CNTNAP2: variants seen among roughly 807,000 people sequenced by gnomAD.
CNTNAP2 encodes the protein contactin-associated protein-like 2.
In CNTNAP2, 98 loss-of-function variants were observed where a neutral mutation model predicts 155.2. That is an observed-to-expected ratio of 0.63 (90% CI 0.54 to 0.75). The LOEUF (loss-of-function observed/expected upper bound fraction) is 0.75, where lower values mean the gene tolerates loss of function less well. Among genes scored for constraint, CNTNAP2 ranks in the 30% least tolerant of loss-of-function variants. CNTNAP2 has a pLI of 0.00. For missense variants in CNTNAP2, 1,727 were observed against 1,688.1 expected, an observed-to-expected ratio of 1.02 and a Z score of -0.40; for synonymous variants, 651 against 631.2, an observed-to-expected ratio of 1.03 and a Z score of -0.47.
rs1041170136 is a variant in CNTNAP2 at position 146,163,444 on chromosome 7, C to T, written c.97+46471C>T. Among the ~76,000 whole-genome samples, 4 of 148,604 alleles carry T rather than the reference C, an allele frequency of 2.7e-5. No homozygotes were observed. The South Asian group carries it at 8.4e-4, about 31-fold the overall frequency. On this transcript the variant is annotated intron_variant, in intron 1 of 23. Transcript: ENST00000361727. ...CAAAAATAAAAATACAAAACCCCATCTCTACTAGAAATATCACATTATATA... is the reference window on the plus strand; with the variant it reads ...CAAAAATAAAAATACAAAACCCCATTTCTACTAGAAATATCACATTATATA...
chr7:148,243,790 CA>C (rs112557110), intron 20 of CNTNAP2, among the ~76,000 whole-genome samples: 92,260 of 143,592 alleles, frequency 0.64, 28,472 homozygotes, highest in South Asian at 0.68. Flanking sequence ...CAACTAAAGA[CA>C]AAAAAAAAAG....
chr7:146,821,363 G>A (rs1171214624), intron 2 of CNTNAP2, among the ~76,000 whole-genome samples: 1 of 152,028 alleles, frequency 6.6e-6, no homozygotes, highest in East Asian at 1.9e-4. Context: ...AGGCCTGGTG[G>A]TGACAAAATC....
rs116797342 is a variant in CNTNAP2, at chr7:146,572,223, G to A, written c.98-202048G>A. On this transcript the variant is annotated intron_variant, in intron 1 of 23. Coordinates refer to ENST00000361727, the MANE Select transcript of CNTNAP2 (RefSeq NM_014141.6). ...CCTCTTAACCTAGAGCTGCCAAAAC[G>A]TATTTGAGCAGAAAATCTGTTTTCT... Among the ~76,000 whole-genome samples the A allele has an allele frequency of 8.5e-3, 1,274 of 149,158 alleles. 12 individuals are homozygous for A. The highest frequency in any genetic ancestry group is 0.03 in the African/African-American group (1,211 of 40,718).
intron 2 of CNTNAP2, among the ~76,000 whole-genome samples, chr7:146,801,087 C>T (rs1382235979): frequency 6.6e-6 from 1 of 152,194 alleles, no homozygotes; most frequent in African/African-American, 2.4e-5. Context: ...ATGGCACCAG[C>T]ATCTTCTCAG....
chr7:147,945,055 A>C (rs1800794220), intron 14 of CNTNAP2, among the ~76,000 whole-genome samples: 1 of 152,212 alleles, frequency 6.6e-6, no homozygotes, highest in Non-Finnish European at 1.5e-5. Flanking sequence ...TTTTTTCTGC[A>C]TTGCATAGCT....
chr7:148,244,370 T>C (rs537090888), intron 20 of CNTNAP2, among the ~76,000 whole-genome samples: 138 of 152,364 alleles, frequency 9.1e-4, no homozygotes, highest in Non-Finnish European at 1.2e-3. Context: ...GATTGTGTTA[T>C]GTAGCTGAGA....
At chr7:146,748,044 C>T (rs1034694207) in intron 1 of CNTNAP2, among the ~76,000 whole-genome samples, 2 of 151,036 alleles carry the variant, frequency 1.3e-5, no homozygotes, top group Non-Finnish European at 2.9e-5. Context: ...CTTTTTGAAT[C>T]AGGAAATGAT....
At chr7:147,382,176 C>G (rs914497148) in intron 9 of CNTNAP2, among the ~76,000 whole-genome samples, 38 of 152,062 alleles carry the variant, frequency 2.5e-4, no homozygotes, top group African/African-American at 8.9e-4. Flanking sequence ...AAAAAAAGAT[C>G]CTGGGCATTT....
intron 2 of CNTNAP2, among the ~76,000 whole-genome samples, chr7:146,806,766 A>C (rs1469528917): frequency 6.6e-6 from 1 of 152,158 alleles, no homozygotes; most frequent in Non-Finnish European, 1.5e-5. Context: ...CAATCAGAAC[A>C]GAGTAGGAGA....
intron 3 of CNTNAP2, among the ~76,000 whole-genome samples, chr7:146,932,760 C>T (rs374126711): frequency 3.9e-5 from 6 of 152,010 alleles, no homozygotes; most frequent in South Asian, 2.1e-4. Flanking sequence ...AAAATCAATG[C>T]ACAAAAATCA....
At chr7:146,350,870 T>C (rs1794903386) in intron 1 of CNTNAP2, among the ~76,000 whole-genome samples, 1 of 151,926 alleles carries the variant, frequency 6.6e-6, no homozygotes, top group Non-Finnish European at 1.5e-5. Flanking sequence ...AGAGTTCATG[T>C]CCTTTGTAGG....
intron 16 of CNTNAP2, 113 bp downstream of exon 16, chr7:148,118,401 C>G: frequency 1.7e-6 from 2 of 1,197,924 alleles, no homozygotes; most frequent in South Asian, 2.6e-5. Context: ...TTCCTTTGTT[C>G]CAGGAGCAGG....
intron 21 of CNTNAP2, among the ~76,000 whole-genome samples, chr7:148,341,473 CTATT>C (rs1391050680): frequency 6.6e-6 from 1 of 152,082 alleles, no homozygotes; most frequent in Non-Finnish European, 1.5e-5. Flanking sequence ...TAATAATTAA[CTATT>C]AAGTATTGAT....
chr7:146,218,866 C>T (rs999198541), intron 1 of CNTNAP2, among the ~76,000 whole-genome samples: 2 of 152,140 alleles, frequency 1.3e-5, no homozygotes, highest in African/African-American at 4.8e-5. Context: ...CCTGATGGAA[C>T]TGGATCTCTC....
chr7:147,658,264 A>T lies in CNTNAP2; in HGVS notation c.2098+18958A>T, dbSNP rs1335602613. Among the ~76,000 whole-genome samples, 2 of 118,050 alleles carry T rather than the reference A, an allele frequency of 1.7e-5. 1 individual carries two copies. Among genetic ancestry groups the T allele is most frequent in the Non-Finnish European group, 3.9e-5 (2 of 51,030 alleles). 77.4% of individuals were successfully genotyped at this position (118,050 alleles called of 152,430 possible). A position where few individuals can be genotyped will look rare whatever the true frequency, so the allele number is the denominator to read the frequency against. The stretch of plus-strand genomic sequence containing the variant: ...AGAGCGAGACTCCGTCCCAAAAAAA[A>T]AAAAAAAAAAAGATAGCCGACCTTA... On this transcript the variant is annotated intron_variant, in intron 13 of 23. Coordinates refer to ENST00000361727, the MANE Select transcript of CNTNAP2 (RefSeq NM_014141.6).
In CNTNAP2 at chr7:148,195,890, G is replaced by GA. The variant is rs532007356; in HGVS notation, c.3011-21390dup. ...TGAACCACAATAAAGACCGTGGAAA[G>GA]AAAAAAAATGGGTCTGCTCAGACAT... is the stretch of plus-strand genomic sequence containing the variant. On this transcript the variant is annotated intron_variant, in intron 18 of 23. Coordinates refer to ENST00000361727, the MANE Select transcript of CNTNAP2 (RefSeq NM_014141.6). 1.9e-3 allele frequency among the ~76,000 whole-genome samples: 293 copies of GA among 151,718 alleles called. 2 individuals carry two copies. The highest frequency in any genetic ancestry group is 6.6e-3 in the African/African-American group (274 of 41,362).
intron 3 of CNTNAP2, among the ~76,000 whole-genome samples, chr7:146,855,216 T>A (rs1449426085): frequency 1.3e-5 from 2 of 152,118 alleles, no homozygotes; most frequent in Non-Finnish European, 2.9e-5. Flanking sequence ...GAAACAGCAT[T>A]CTCATATACT....
intron 1 of CNTNAP2, among the ~76,000 whole-genome samples, chr7:146,373,764 G>C (rs895430524): frequency 1.3e-5 from 2 of 152,130 alleles, no homozygotes; most frequent in African/African-American, 4.8e-5. Flanking sequence ...AAATTTTATA[G>C]AATTGGGGTA....
intron 1 of CNTNAP2, among the ~76,000 whole-genome samples, chr7:146,247,537 A>C (rs1318699723): frequency 6.6e-6 from 1 of 152,214 alleles, no homozygotes; most frequent in Middle Eastern, 3.4e-3. Flanking sequence ...ATTTGGGATG[A>C]GTTACATTGG....
Sources: gnomAD v4.1 joint callset for allele counts (sites outside exome capture counted in the v4.1 genomes callset) on GRCh38, gnomAD v4.1.1 for gene constraint, MANE v1.5 for transcripts, NCBI Gene and HGNC (gene_info 2026-07-23, HGNC 2026-07-21) for gene names.